The following DLG2 variants were observed in gnomAD, a reference collection of about 807,000 sequenced individuals.
DLG2 encodes disks large homolog 2.
A neutral mutation model predicts 132.5 loss-of-function variants in DLG2; 45 were observed. The ratio of observed to expected loss-of-function variants is 0.34; its 90% CI spans 0.27 to 0.44. The LOEUF (loss-of-function observed/expected upper bound fraction) is 0.44, where lower values mean the gene tolerates loss of function less well. Among genes scored for constraint, DLG2 ranks in the 20% least tolerant of loss-of-function variants. DLG2 has a pLI of 1.00. For synonymous variants in DLG2, 424 were observed against 419.6 expected (o/e 1.01, Z -0.13); for missense variants, 1,045 against 1,196.9 (o/e 0.87, Z 1.87).
chr11:85,484,278 G>A (rs1424267974), intron 3 of DLG2, among the ~76,000 whole-genome samples: 2 of 118,156 alleles, frequency 1.7e-5, no homozygotes, highest in Non-Finnish European at 3.5e-5. Context: ...TACCATTCAG[G>A]ACATAGGCAT....
intron 3 of DLG2, among the ~76,000 whole-genome samples, chr11:85,293,327 G>A (rs559438978): frequency 2.0e-4 from 31 of 152,204 alleles, no homozygotes; most frequent in Non-Finnish European, 4.0e-4. Context: ...GGAGGCGAAC[G>A]CAGGAGATAG....
chr11:85,535,033 G>C (rs2075482732), intron 3 of DLG2, among the ~76,000 whole-genome samples: 1 of 152,122 alleles, frequency 6.6e-6, no homozygotes, highest in Non-Finnish European at 1.5e-5. Context: ...TAGTCATTCT[G>C]ACTGGTGTGA....
At chr11:84,008,213 A>G (rs1479560030) in intron 11 of DLG2, among the ~76,000 whole-genome samples, 1 of 151,860 alleles carries the variant, frequency 6.6e-6, no homozygotes, top group African/African-American at 2.4e-5. Context: ...CAAATTACAG[A>G]TCTGGGTATA....
At chr11:84,409,090 A>G (rs186888678) in intron 7 of DLG2, among the ~76,000 whole-genome samples, 141 of 152,260 alleles carry the variant, frequency 9.3e-4, no homozygotes, top group African/African-American at 3.3e-3. Flanking sequence ...CTTTCCTTGC[A>G]CATTATGTTC....
At chr11:85,479,129 CAAT>C (rs1235294822) in intron 3 of DLG2, among the ~76,000 whole-genome samples, 2 of 152,182 alleles carry the variant, frequency 1.3e-5, no homozygotes, top group Non-Finnish European at 2.9e-5. Context: ...GAGTCAGCAT[CAAT>C]AATATTTAAC....
At chr11:83,729,638 C>T (rs1214590668) in intron 18 of DLG2, among the ~76,000 whole-genome samples, 1 of 152,162 alleles carries the variant, frequency 6.6e-6, no homozygotes, top group Non-Finnish European at 1.5e-5. Context: ...CTGAAAAATA[C>T]AGGATCATAG....
At chr11:83,608,774 T>C (rs2059707379) in intron 19 of DLG2, among the ~76,000 whole-genome samples, 1 of 151,878 alleles carries the variant, frequency 6.6e-6, no homozygotes, top group Non-Finnish European at 1.5e-5. Context: ...ATCCTTCAGA[T>C]ACTACAGCTG....
intron 7 of DLG2, among the ~76,000 whole-genome samples, chr11:84,524,119 T>C (rs183375580): frequency 6.6e-6 from 1 of 152,118 alleles, no homozygotes; most frequent in Admixed American, 6.5e-5. Context: ...AAAAAAAAAC[T>C]GCAAAAAATA....
chr11:83,556,710 G>A (rs2096526897), intron 19 of DLG2, among the ~76,000 whole-genome samples: 1 of 152,192 alleles, frequency 6.6e-6, no homozygotes, highest in South Asian at 2.1e-4. Context: ...GCTGGGCTTT[G>A]ATAAGGAAGT....
intron 7 of DLG2, among the ~76,000 whole-genome samples, chr11:84,461,428 T>G (rs1301865230): frequency 6.6e-6 from 1 of 151,022 alleles, no homozygotes; most frequent in Non-Finnish European, 1.5e-5. Flanking sequence ...ATGATTAGAT[T>G]AGTTGTAAGA....
At chr11:83,491,908 C>A (rs1488244868) in intron 21 of DLG2, among the ~76,000 whole-genome samples, 2 of 151,808 alleles carry the variant, frequency 1.3e-5, no homozygotes, top group Non-Finnish European at 2.9e-5. Context: ...CTTCAAATAT[C>A]GTAACATCAT....
At chr11:85,330,914 G>A (rs1004178471) in intron 3 of DLG2, among the ~76,000 whole-genome samples, 4 of 151,772 alleles carry the variant, frequency 2.6e-5, no homozygotes. Flanking sequence ...CCCACAATGT[G>A]GAAAGTGATT....
At chr11:84,631,692 A>G (rs1460821169) in intron 6 of DLG2, among the ~76,000 whole-genome samples, 2 of 152,158 alleles carry the variant, frequency 1.3e-5, no homozygotes, top group Non-Finnish European at 2.9e-5. Flanking sequence ...GACAACAGTA[A>G]CAATACAACA....
intron 7 of DLG2, among the ~76,000 whole-genome samples, chr11:84,353,006 C>T (rs1409763526): frequency 6.6e-6 from 1 of 152,186 alleles, no homozygotes; most frequent in Non-Finnish European, 1.5e-5. Context: ...TCCCATTACA[C>T]TAGATATTTT....
chr11:84,590,625 A>C (rs1015161869), intron 6 of DLG2, among the ~76,000 whole-genome samples: 2 of 152,116 alleles, frequency 1.3e-5, no homozygotes, highest in East Asian at 3.9e-4. Flanking sequence ...AATTCCAAAC[A>C]CTATGATTTA....
At chr11:85,435,269 C>T (rs1565488710) in intron 3 of DLG2, among the ~76,000 whole-genome samples, 1 of 152,146 alleles carries the variant, frequency 6.6e-6, no homozygotes, top group Admixed American at 6.5e-5. Flanking sequence ...GACAAGGATG[C>T]CCTTTCTCAC....
rs60317922 is a variant in DLG2, at chr11:85,209,595, C to CTTTTTTT, written c.187-54951_187-54945dup. Among the ~76,000 whole-genome samples the CTTTTTTT allele has an allele frequency of 1.1e-3, 134 of 116,914 alleles. 9 individuals are homozygous for CTTTTTTT. The highest frequency in any genetic ancestry group is 5.2e-3 in the Middle Eastern group (1 of 192). 76.7% of individuals were successfully genotyped at this position (116,914 alleles called of 152,430 possible). On this transcript the variant is annotated intron_variant, in intron 4 of 27. Transcript: ENST00000376104. Reference sequence around the variant, plus strand: ...GGAGCACACTACCACACCCAGCTAACTTTTTTTTTTTTTTTTGTATGTTCA... The same window carrying CTTTTTTT: ...GGAGCACACTACCACACCCAGCTAACTTTTTTTTTTTTTTTTTTTTTTTGTATGTTCA...
chr11:85,427,073 G>C (rs2090809062), intron 3 of DLG2, among the ~76,000 whole-genome samples: 1 of 152,112 alleles, frequency 6.6e-6, no homozygotes, highest in South Asian at 2.1e-4. Context: ...GGGAAGTTTA[G>C]AGAAAAAAGA....
chr11:85,470,114 C>T (rs188707984), intron 3 of DLG2, among the ~76,000 whole-genome samples: 1 of 150,916 alleles, frequency 6.6e-6, no homozygotes, highest in Non-Finnish European at 1.5e-5. Flanking sequence ...TTCCTTCTGC[C>T]TAGAATATTT....
Sources: gnomAD v4.1 joint callset for allele counts (sites outside exome capture counted in the v4.1 genomes callset) on GRCh38, gnomAD v4.1.1 for gene constraint, MANE v1.5 for transcripts, NCBI Gene and HGNC (gene_info 2026-07-23, HGNC 2026-07-21) for gene names.